NUP155: variants seen among roughly 807,000 people sequenced by gnomAD.
NUP155 encodes the protein nucleoporin 155.
In NUP155, 71 loss-of-function variants were observed where a neutral mutation model predicts 180.4. The observed-to-expected ratio is 0.39, with a 90% CI of 0.33 to 0.48. The LOEUF (loss-of-function observed/expected upper bound fraction) is 0.48. Among genes scored for constraint, NUP155 ranks in the 20% least tolerant of loss-of-function variants. The pLI is 0.91. For missense variants in NUP155, 1,553 were observed against 1,648.9 expected (o/e 0.94, Z 1.01); for synonymous variants, 582 against 559.5 (o/e 1.04, Z -0.57).
At chr5:37,312,356 G>A (rs183369774) in intron 22 of NUP155, among the ~76,000 whole-genome samples, 12 of 147,426 alleles carry the variant, frequency 8.1e-5, no homozygotes, top group Admixed American at 6.9e-4. Flanking sequence ...GAAGAAGCTC[G>A]CTACAAAGAG....
chr5:37,318,060 G>T lies in NUP155; in HGVS notation c.2233C>A (p.Leu745Met). The T allele has an allele frequency of 6.2e-7, 1 of 1,610,788 alleles. No individual in the cohort carries two copies. Among genetic ancestry groups the T allele is most frequent in the East Asian group, 2.2e-5 (1 of 44,860 alleles). The change falls in exon 21 of 35, where the codon CTG (leucine) becomes ATG (methionine). Residue 745 changes from leucine (L) to methionine (M), a missense_variant. Transcript: ENST00000231498. ...TTTTCAGGACGCATGAATCCTATCA[G>T]CCTCTGCTGCACTTTAGCAGTAGTA... Reference protein sequence around the residue: ...PNTTAKVQQRLIGFMRPENGN... With the variant: ...PNTTAKVQQRMIGFMRPENGN...
At chr5:37,353,442 T>C (rs1327053720) in intron 4 of NUP155, among the ~76,000 whole-genome samples, 1 of 151,450 alleles carries the variant, frequency 6.6e-6, no homozygotes, top group African/African-American at 2.4e-5. Context: ...ATTAGCCGAG[T>C]GTGGTGGCAC....
At chr5:37,320,547 A>G (rs534878416) in intron 20 of NUP155, among the ~76,000 whole-genome samples, 1 of 152,370 alleles carries the variant, frequency 6.6e-6, no homozygotes, top group South Asian at 2.1e-4. Flanking sequence ...AGAGCTAGAC[A>G]AGAAAAGATG....
At chr5:37,307,024 C>T (rs958586057) in intron 25 of NUP155, among the ~76,000 whole-genome samples, 3 of 151,194 alleles carry the variant, frequency 2.0e-5, no homozygotes, top group Non-Finnish European at 4.4e-5. Flanking sequence ...ATGGTGAAAC[C>T]CTGTCTCTAC....
In NUP155 at chr5:37,348,129, C is replaced by T. The variant is rs1183968110; in HGVS notation, c.995+376G>A. On this transcript the variant is annotated intron_variant, in intron 9 of 34. Coordinates refer to ENST00000231498, the MANE Select transcript of NUP155 (RefSeq NM_153485.3). The stretch of plus-strand genomic sequence containing the variant: ...CGCCTGGGCAACAAGAGCGAAACTC[C>T]ATCTCAAAAAAAATATATATAAAAA... Among the ~76,000 whole-genome samples, 4 of 151,808 alleles carry T rather than the reference C, an allele frequency of 2.6e-5. No homozygotes were observed. The East Asian group carries it at 7.7e-4, about 29-fold the overall frequency.
At chr5:37,358,004 G>A (rs1746956527) in intron 4 of NUP155, 77 bp downstream of exon 4, 1 of 1,010,774 alleles carries the variant, frequency 9.9e-7, no homozygotes, top group Non-Finnish European at 1.6e-6. Context: ...AAAAAAATGT[G>A]TGTTGTTGTT....
At position 37,355,729 on chromosome 5, in the gene NUP155, C is replaced by T. The variant is rs372267848; in HGVS notation, c.463+2352G>A. 8.2e-4 allele frequency among the ~76,000 whole-genome samples: 124 copies of T among 151,768 alleles called. 3 individuals carry two copies. In the South Asian group the frequency reaches 0.026, roughly 31 times the overall value. The stretch of plus-strand genomic sequence containing the variant: ...AAGTAGCTGGGACTACAGGCGACCA[C>T]CACCAAGCCCAGCTAATTTTTTGTA... On this transcript the variant is annotated intron_variant, in intron 4 of 34. Coordinates refer to ENST00000231498, the MANE Select transcript of NUP155 (RefSeq NM_153485.3).
intron 7 of NUP155, 80 bp from the exon 8 acceptor site, chr5:37,349,325 A>G: frequency 2.2e-6 from 1 of 458,096 alleles, no homozygotes; most frequent in South Asian, 2.5e-5. Context: ...TAGTTACAAC[A>G]AACTGTTGAA....
In NUP155 at chr5:37,349,213, T is replaced by C. The variant is rs1746302696; in HGVS notation, c.862A>G (p.Arg288Gly). 6.1e-6 allele frequency: 5 copies of C among 821,900 alleles called. No homozygotes were observed. Among genetic ancestry groups the C allele is most frequent in the Admixed American group, 2.9e-5 (1 of 34,722 alleles). 50.9% of individuals were successfully genotyped at this position (821,900 alleles called of 1,614,324 possible). A position where few individuals can be genotyped will look rare whatever the true frequency, so the allele number is the denominator to read the frequency against. The change falls in exon 8 of 35, where the codon AGA becomes GGA. Residue 288 changes from arginine to glycine, a missense_variant. Coordinates refer to ENST00000231498, the MANE Select transcript of NUP155 (RefSeq NM_153485.3). ...PILQIAIDNSRNILYTRSEKG... is the reference protein window; with the variant it reads ...PILQIAIDNSGNILYTRSEKG... ...TCAGATCGTGTATATAAAATATTTC[T>C]AGAATTATCAATTGCAATTTGAAGA...
chr5:37,318,599 T>A (rs1303352771), intron 20 of NUP155, among the ~76,000 whole-genome samples: 1 of 151,990 alleles, frequency 6.6e-6, no homozygotes, highest in Non-Finnish European at 1.5e-5. Context: ...CGGAATGGGG[T>A]GCTCAACCTA....
At chr5:37,331,923 T>C (rs1744989569) in intron 13 of NUP155, 128 bp from the exon 14 acceptor site, 1 of 672,092 alleles carries the variant, frequency 1.5e-6, no homozygotes, top group Non-Finnish European at 2.7e-6. Context: ...CAAAGTAGGC[T>C]GGGTATGGTG....
chr5:37,310,935 A>G (rs975928407), intron 22 of NUP155, among the ~76,000 whole-genome samples, 192 bp from the exon 23 acceptor site: 1 of 152,224 alleles, frequency 6.6e-6, no homozygotes, highest in African/African-American at 2.4e-5. Flanking sequence ...AAGAACCTAC[A>G]GTAGATCTAG....
chr5:37,346,625 C>T (rs761057848), intron 9 of NUP155, among the ~76,000 whole-genome samples: 4 of 151,092 alleles, frequency 2.6e-5, no homozygotes, highest in Non-Finnish European at 4.4e-5. Context: ...GGAGCCAAGT[C>T]GCGCCATTGC....
At position 37,333,593 on chromosome 5, in the gene NUP155, G is replaced by A. The variant is rs751958347; in HGVS notation, c.1388C>T (p.Ala463Val). The change falls in exon 13 of 35, where the codon GCG becomes GTG. Residue 463 changes from alanine to valine, a missense_variant. Ala to Val is a moderately conservative substitution (Grantham distance 64). Transcript: ENST00000231498. The part of the protein sequence containing the change: ...GVDGHSWALS[A>V]IDELKVDKII... Reference sequence around the variant, plus strand: ...TTTATCTACTTTCAATTCATCTATCGCAGAAAGAGCCCAGGAATGACCATC... The same window carrying A: ...TTTATCTACTTTCAATTCATCTATCACAGAAAGAGCCCAGGAATGACCATC... 137 of 1,613,314 alleles carry A rather than the reference G, an allele frequency of 8.5e-5. No individual in the cohort carries two copies. The highest frequency in any genetic ancestry group is 1.7e-4 in the Middle Eastern group (1 of 6,060).
Position 37,350,173 on chromosome 5 carries a change from C to T in NUP155, c.816G>A (p.Thr272=), listed in dbSNP as rs367775093. Residue 272 remains threonine (T), a synonymous_variant, in exon 7 of 35, where the codon ACG becomes ACA. Transcript: ENST00000231498. ...TTTTCTACTTACCATCTTCTGAGAA[C>T]GTGAATTGTAGCAAGGAAGGAACAA... ...SFLVPSLLQF[T]FSEDDPILQI... 28 of 1,612,372 alleles carry T rather than the reference C, an allele frequency of 1.7e-5. No homozygotes were observed. Among genetic ancestry groups the T allele is most frequent in the African/African-American group, 1.3e-4 (10 of 74,860 alleles).
chr5:37,370,879 C>T lies in NUP155; in HGVS notation c.99G>A (p.Gln33=). The T allele has an allele frequency of 6.2e-7, 1 of 1,614,242 alleles. No individual in the cohort carries two copies. The highest frequency in any genetic ancestry group is 8.5e-7 in the Non-Finnish European group (1 of 1,180,040). Reference sequence around the variant, plus strand: ...CCGGGTACATGCGGTCCTCTTGCAACTGACGGTCGATGAGCCGTCCAGCAT... The same window carrying T: ...CCGGGTACATGCGGTCCTCTTGCAATTGACGGTCGATGAGCCGTCCAGCAT... ...LENAGRLIDR[Q]LQEDRMYPDL... Residue 33 remains glutamine, a synonymous_variant, in exon 1 of 35, where the codon CAG becomes CAA. Transcript: ENST00000231498.
intron 12 of NUP155, among the ~76,000 whole-genome samples, chr5:37,337,556 G>GT (rs1176956596): frequency 6.6e-6 from 1 of 152,072 alleles, no homozygotes; most frequent in African/African-American, 2.4e-5. Flanking sequence ...CAAAAAAGAT[G>GT]TATGTATTTT....
At chr5:37,325,501 C>T (rs2150961911) in intron 19 of NUP155, among the ~76,000 whole-genome samples, 1 of 152,208 alleles carries the variant, frequency 6.6e-6, no homozygotes, top group East Asian at 1.9e-4. Context: ...GGCGCTGAGG[C>T]CCCCTGCCTG....
intron 4 of NUP155, among the ~76,000 whole-genome samples, chr5:37,357,431 AAGAC>A (rs1235495578): frequency 9.3e-5 from 14 of 150,728 alleles, no homozygotes; most frequent in South Asian, 6.3e-4. Context: ...AAAAAAGAGA[AAGAC>A]AGACTAATAA....
Sources: allele counts gnomAD v4.1 joint callset (sites outside exome capture counted in the v4.1 genomes callset), GRCh38; gene constraint gnomAD v4.1.1; transcripts MANE v1.5; gene names NCBI Gene and HGNC (gene_info 2026-07-23, HGNC 2026-07-21).